Variants in CADM1 observed in about 807,000 individuals in gnomAD.
CADM1 encodes the protein TSLC-1.
CADM1 carries 15 observed loss-of-function variants against 53.1 expected under a neutral mutation model. That is an observed-to-expected ratio of 0.28 (90% CI 0.19 to 0.44). The LOEUF (loss-of-function observed/expected upper bound fraction) is 0.44. CADM1 is among the 20% of genes least tolerant of loss of function. CADM1 has a pLI of 1.00. For synonymous variants in CADM1, 281 were observed against 243.0 expected (o/e 1.16, Z -1.45); for missense variants, 434 against 611.3 (o/e 0.71, Z 3.06).
At chr11:115,241,386 G>A (rs1443791176) in intron 1 of CADM1, among the ~76,000 whole-genome samples, 1 of 152,210 alleles carries the variant, frequency 6.6e-6, no homozygotes, top group Non-Finnish European at 1.5e-5. Flanking sequence ...AAGCTGCCAC[G>A]TGGGTGAAAA....
rs1423258155 is a variant in CADM1, at chr11:115,298,409, CG to C, written c.125-57990del. On this transcript the variant is annotated intron_variant, in intron 1 of 11. Transcript: ENST00000331581. Reference sequence around the variant, plus strand: ...AGGGAAGGAGGCAGGAAGAGAAAGACGATGAGACCCAGTCACTAGATCCTAT... The same window carrying C: ...AGGGAAGGAGGCAGGAAGAGAAAGACATGAGACCCAGTCACTAGATCCTAT... Among the ~76,000 whole-genome samples the C allele has an allele frequency of 2.6e-5, 4 of 152,278 alleles. No individual in the cohort carries two copies. In the East Asian group the frequency reaches 5.8e-4, roughly 22 times the overall value.
chr11:115,345,191 T>C (rs1349520834), intron 1 of CADM1, among the ~76,000 whole-genome samples: 1 of 152,032 alleles, frequency 6.6e-6, no homozygotes, highest in Non-Finnish European at 1.5e-5. Context: ...CCAAAGAACA[T>C]GAGGAGAAGC....
intron 1 of CADM1, among the ~76,000 whole-genome samples, chr11:115,399,713 A>G (rs1947089402): frequency 6.6e-6 from 1 of 152,114 alleles, no homozygotes. Flanking sequence ...GAGTATTTAA[A>G]TTCCAGTCTT....
chr11:115,278,580 T>C (rs1240396944), intron 1 of CADM1, among the ~76,000 whole-genome samples: 3 of 152,190 alleles, frequency 2.0e-5, no homozygotes, highest in African/African-American at 7.2e-5. Flanking sequence ...TGAAGGTAGT[T>C]AGAAGTCGAT....
chr11:115,220,211 T>C (rs1047242034), intron 5 of CADM1, among the ~76,000 whole-genome samples: 2 of 152,130 alleles, frequency 1.3e-5, no homozygotes, highest in Admixed American at 1.3e-4. Context: ...AGGGCATATT[T>C]TTCAGCATAG....
At chr11:115,242,642 T>G (rs768292565) in intron 1 of CADM1, among the ~76,000 whole-genome samples, 1 of 152,174 alleles carries the variant, frequency 6.6e-6, no homozygotes, top group African/African-American at 2.4e-5. Context: ...GGACTTGCTT[T>G]GAGTAGACAA....
chr11:115,283,834 C>T (rs374495064), intron 1 of CADM1, among the ~76,000 whole-genome samples: 8 of 152,142 alleles, frequency 5.3e-5, no homozygotes, highest in African/African-American at 7.2e-5. Flanking sequence ...GCTGTAAAGG[C>T]CTGGCCTTGC....
chr11:115,346,736 TC>T (rs1216645858), intron 1 of CADM1, among the ~76,000 whole-genome samples: 2 of 151,690 alleles, frequency 1.3e-5, no homozygotes, highest in South Asian at 2.1e-4. Flanking sequence ...ACCTCTGGAG[TC>T]CCCCAGAATC....
rs903674387 is a variant in CADM1 at position 115,170,129 on chromosome 11, A to G, written c.*6345T>C. On this transcript the variant is annotated 3_prime_UTR_variant, in exon 12 of 12. Transcript: ENST00000331581. ...AACCTGAGAAGATAGCACTTAAGGAAGATTTGAGGCGGTCACGTCTGAAAT... is the reference window on the plus strand; with the variant it reads ...AACCTGAGAAGATAGCACTTAAGGAGGATTTGAGGCGGTCACGTCTGAAAT... The G allele has an allele frequency of 6.4e-6, 1 of 156,962 alleles. No homozygotes were observed. Among genetic ancestry groups the G allele is most frequent in the African/African-American group, 2.4e-5 (1 of 41,508 alleles). The allele number at this position is 156,962 out of a possible 1,614,324, so 9.7% of individuals were successfully genotyped here. A position where few individuals can be genotyped will look rare whatever the true frequency, so the allele number is the denominator to read the frequency against.
At chr11:115,493,879 G>A (rs372428670) in intron 1 of CADM1, among the ~76,000 whole-genome samples, 1 of 152,072 alleles carries the variant, frequency 6.6e-6, no homozygotes, top group African/African-American at 2.4e-5. Flanking sequence ...TGGCAAGCAG[G>A]GTAATGGTTC....
chr11:115,316,140 C>A (rs1171655870), intron 1 of CADM1, among the ~76,000 whole-genome samples: 1 of 152,208 alleles, frequency 6.6e-6, no homozygotes, highest in Non-Finnish European at 1.5e-5. Flanking sequence ...CTAAGATACA[C>A]ACATTTTTTA....
chr11:115,234,893 C>CCA (rs1491516911), intron 3 of CADM1, among the ~76,000 whole-genome samples: 15 of 75,394 alleles, frequency 2.0e-4, no homozygotes, highest in African/African-American at 8.0e-4. Context: ...ACTCCGTCTC[C>CCA]AAAAAAAAAA....
At chr11:115,492,685 A>G (rs1282559117) in intron 1 of CADM1, among the ~76,000 whole-genome samples, 3 of 152,190 alleles carry the variant, frequency 2.0e-5, no homozygotes, top group African/African-American at 7.2e-5. Flanking sequence ...TACTAAAAAG[A>G]CGTTGCTATC....
At chr11:115,308,204 A>ATG in intron 1 of CADM1, among the ~76,000 whole-genome samples, 1 of 93,814 alleles carries the variant, frequency 1.1e-5, no homozygotes, top group Non-Finnish European at 2.0e-5. Flanking sequence ...GTATATATAT[A>ATG]TATATATACA....
chr11:115,235,734 G>A (rs1302260135), intron 3 of CADM1, among the ~76,000 whole-genome samples: 12 of 152,102 alleles, frequency 7.9e-5, no homozygotes, highest in Non-Finnish European at 1.8e-4. Flanking sequence ...AAATAATTAG[G>A]TTCTCCTGTT....
chr11:115,198,922 A>T (rs1463345003), intron 8 of CADM1, among the ~76,000 whole-genome samples: 1 of 152,232 alleles, frequency 6.6e-6, no homozygotes, highest in Non-Finnish European at 1.5e-5. Flanking sequence ...ATTAGGCATC[A>T]CTGACTCAAT....
intron 1 of CADM1, among the ~76,000 whole-genome samples, chr11:115,281,705 G>T (rs912998099): frequency 6.6e-6 from 1 of 152,036 alleles, no homozygotes; most frequent in Non-Finnish European, 1.5e-5. Context: ...GCAGTACAAG[G>T]TACACCTTAA....
chr11:115,311,289 C>T (rs566059030), intron 1 of CADM1, among the ~76,000 whole-genome samples: 3 of 152,194 alleles, frequency 2.0e-5, no homozygotes, highest in South Asian at 4.1e-4. Flanking sequence ...AAATCTACAA[C>T]GATCCTCATG....
intron 5 of CADM1, among the ~76,000 whole-genome samples, chr11:115,218,386 A>G (rs909613229): frequency 6.6e-6 from 1 of 152,184 alleles, no homozygotes; most frequent in Non-Finnish European, 1.5e-5. Flanking sequence ...TTACTATGTG[A>G]CAATATGTTG....
Sources: gnomAD v4.1 joint callset for allele counts (sites outside exome capture counted in the v4.1 genomes callset) on GRCh38, gnomAD v4.1.1 for gene constraint, MANE v1.5 for transcripts, NCBI Gene and HGNC (gene_info 2026-07-23, HGNC 2026-07-21) for gene names.